Variants in LEMD3 observed in about 807,000 individuals in gnomAD.
The protein encoded by LEMD3 is LEM domain containing 3.
In LEMD3, 33 loss-of-function variants were observed where a neutral mutation model predicts 95.2. That is an observed-to-expected ratio of 0.35 (90% CI 0.26 to 0.46). The LOEUF is 0.46. LEMD3 is among the 20% of genes least tolerant of loss of function. The pLI, the probability that LEMD3 is intolerant of heterozygous loss-of-function variation, is 1.00. For synonymous variants in LEMD3, 525 were observed against 474.6 expected (o/e 1.11, Z -1.38); for missense variants, 1,210 against 1,192.8 (o/e 1.01, Z -0.21).
chr12:65,203,571 T>G (rs984695272), intron 1 of LEMD3, among the ~76,000 whole-genome samples: 16 of 152,302 alleles, frequency 1.1e-4, no homozygotes, highest in Non-Finnish European at 2.2e-4. Context: ...TGGTCTGTCT[T>G]GGTGAACATT....
At chr12:65,219,585 G>A (rs74101742) in intron 4 of LEMD3, among the ~76,000 whole-genome samples, 5,398 of 152,164 alleles carry the variant, frequency 0.035, 317 homozygotes, top group African/African-American at 0.12. Context: ...AATATATAAC[G>A]TGAAATCTGT....
chr12:65,235,823 A>G (rs1870756631), intron 4 of LEMD3, among the ~76,000 whole-genome samples: 1 of 152,122 alleles, frequency 6.6e-6, no homozygotes. Flanking sequence ...CATCATGATT[A>G]TTTCTAAGTT....
chr12:65,245,914 A>G lies in LEMD3; in HGVS notation c.2547A>G (p.Lys849=). The part of the protein sequence containing the change: ...LSPEYAGKAF[K]ALHGSWFDGK... Reference sequence around the variant, plus strand: ...CAGAATATGCTGGAAAGGCTTTTAAAGCATTGCATGGCTCTTGGTTTGATG... The same window carrying G: ...CAGAATATGCTGGAAAGGCTTTTAAGGCATTGCATGGCTCTTGGTTTGATG... Residue 849 remains lysine (K), a synonymous_variant, in exon 12 of 13, where the codon AAA becomes AAG. Coordinates refer to ENST00000308330, the MANE Select transcript of LEMD3 (RefSeq NM_014319.5). 1 of 1,612,544 alleles carries G rather than the reference A, an allele frequency of 6.2e-7. No homozygotes were observed. The highest frequency in any genetic ancestry group is 8.5e-7 in the Non-Finnish European group (1 of 1,179,004).
chr12:65,247,857 A>C lies in LEMD3; in HGVS notation c.*1532A>C. On this transcript the variant is annotated 3_prime_UTR_variant, in exon 13 of 13. Transcript: ENST00000308330. ...GTGGGCACCTTGTTTATGAAGAATA[A>C]AAAATGATTTGTTATCTGAAGAGAA... 1 of 152,572 alleles carries C rather than the reference A, an allele frequency of 6.6e-6. No individual in the cohort carries two copies. The highest frequency in any genetic ancestry group is 1.5e-5 in the Non-Finnish European group (1 of 68,016). The allele number at this position is 152,572 out of a possible 1,614,324, so 9.5% of individuals were successfully genotyped here.
At chr12:65,244,275 A>G (rs973993709) in intron 10 of LEMD3, among the ~76,000 whole-genome samples, 4 of 140,434 alleles carry the variant, frequency 2.8e-5, no homozygotes, top group Non-Finnish European at 6.1e-5. Flanking sequence ...GCGCACACAC[A>G]CACACACACA....
At chr12:65,239,461 T>C (rs1485732168) in intron 6 of LEMD3, among the ~76,000 whole-genome samples, 1 of 152,104 alleles carries the variant, frequency 6.6e-6, no homozygotes, top group Non-Finnish European at 1.5e-5. Context: ...GGTAGGAGGA[T>C]TTCTTGAGCC....
chr12:65,223,216 A>G (rs1384390820), intron 4 of LEMD3, among the ~76,000 whole-genome samples: 1 of 151,704 alleles, frequency 6.6e-6, no homozygotes, highest in Non-Finnish European at 1.5e-5. Flanking sequence ...GGATACATAC[A>G]TATTTAGAAT....
intron 4 of LEMD3, among the ~76,000 whole-genome samples, chr12:65,219,952 A>G (rs1217249463): frequency 6.6e-6 from 1 of 152,134 alleles, no homozygotes; most frequent in African/African-American, 2.4e-5. Flanking sequence ...AGTCATGTTG[A>G]TGGGCTTTTA....
chr12:65,234,234 A>G (rs996679316), intron 4 of LEMD3, among the ~76,000 whole-genome samples: 1 of 152,212 alleles, frequency 6.6e-6, no homozygotes, highest in Non-Finnish European at 1.5e-5. Context: ...GCTTTTAAAA[A>G]AGAAAGAAAG....
Position 65,171,099 on chromosome 12 carries a change from T to A in LEMD3, c.1503T>A (p.Ser501=), listed in dbSNP as rs774970317. The change falls in exon 1 of 13, where the codon TCT becomes TCA. Residue 501 remains serine, a synonymous_variant. Transcript: ENST00000308330. ...TYLGMRGTGV[S]EDGELSIENP... is the part of the protein sequence containing the mutation. Reference sequence around the variant, plus strand: ...TAGGAATGAGAGGGACAGGAGTATCTGAGGATGGAGAACTCAGCAGTAAGT... The same window carrying A: ...TAGGAATGAGAGGGACAGGAGTATCAGAGGATGGAGAACTCAGCAGTAAGT... 2.5e-6 allele frequency: 4 copies of A among 1,612,746 alleles called. No individual in the cohort carries two copies. In the East Asian group the frequency reaches 8.9e-5, roughly 36 times the overall value.
Position 65,169,856 on chromosome 12 carries a change from C to T in LEMD3, c.260C>T (p.Ala87Val). ...GCGGGACCAGCGGCGGCGGCGGCCG[C>T]GGGGATGGGGGTCCGGCCGGTCTCG... is the stretch of plus-strand genomic sequence containing the variant. ...AAAGPAAAAA[A>V]GMGVRPVSGD... The change falls in exon 1 of 13, where the codon GCG (alanine) becomes GTG (valine). Residue 87 changes from alanine to valine, a missense_variant. By Grantham distance (64) the Ala-to-Val change is moderately conservative. Around this residue, in one of 2 missense-constraint regions of LEMD3, gnomAD observed 749 missense variants for 622.9 expected, o/e 1.20. Coordinates refer to ENST00000308330, the MANE Select transcript of LEMD3 (RefSeq NM_014319.5). The T allele has an allele frequency of 6.8e-7, 1 of 1,460,844 alleles. No individual in the cohort carries two copies. The highest frequency in any genetic ancestry group is 1.4e-5 in the South Asian group (1 of 69,930). 90.5% of individuals were successfully genotyped at this position (1,460,844 alleles called of 1,614,324 possible).
intron 2 of LEMD3, among the ~76,000 whole-genome samples, chr12:65,215,114 AAAC>A (rs1398168261): frequency 1.3e-5 from 2 of 152,202 alleles, no homozygotes; most frequent in African/African-American, 4.8e-5. Flanking sequence ...AGTTAATACT[AAAC>A]AACTTTTCTA....
chr12:65,176,861 A>G (rs1868735791), intron 1 of LEMD3, among the ~76,000 whole-genome samples: 1 of 152,236 alleles, frequency 6.6e-6, no homozygotes, highest in Non-Finnish European at 1.5e-5. Context: ...TTCAGCAAAT[A>G]TCTGTTGAAT....
At chr12:65,216,139 T>A (rs946527104) in intron 3 of LEMD3, 96 bp downstream of exon 3, 1 of 814,668 alleles carries the variant, frequency 1.2e-6, no homozygotes, top group African/African-American at 1.7e-5. Context: ...CAGTGTTATA[T>A]TTGTGAAATA....
chr12:65,246,250 A>C lies in LEMD3; in HGVS notation c.2661A>C (p.Pro887=). ...TCACTTCCAACACTCCATTGAAGCC[A>C]TCAAATAAACATATGAACTCCATGT... ...QALTSNTPLK[P]SNKHMNSMSH... Residue 887 remains proline (P), a synonymous_variant, in exon 13 of 13, where the codon CCA becomes CCC. Transcript: ENST00000308330. 6.2e-7 allele frequency: 1 copy of C among 1,613,380 alleles called. No individual in the cohort carries two copies. The highest frequency in any genetic ancestry group is 2.2e-5 in the East Asian group (1 of 44,860).
At chr12:65,173,659 A>T (rs1592427252) in intron 1 of LEMD3, among the ~76,000 whole-genome samples, 1 of 152,232 alleles carries the variant, frequency 6.6e-6, no homozygotes, top group African/African-American at 2.4e-5. Flanking sequence ...AATTTGTTGT[A>T]TTCCTGGTAA....
At position 65,238,570 on chromosome 12, in the gene LEMD3, T is replaced by C. The variant is rs1400701947; in HGVS notation, c.1764T>C (p.Asp588=). 3 of 1,612,136 alleles carry C rather than the reference T, an allele frequency of 1.9e-6. No homozygotes were observed. The highest frequency in any genetic ancestry group is 2.5e-6 in the Non-Finnish European group (3 of 1,178,338). The change falls in exon 5 of 13, where the codon GAT becomes GAC. Residue 588 remains aspartate, a synonymous_variant. Transcript: ENST00000308330. ...AGTGGATCTTAGAAAATGGAAAAGA[T>C]GTTGGAATAAGGTAAAGGATCTGAT... The part of the protein sequence containing the change: ...SLQWILENGK[D]VGIRCVGFGP...
At chr12:65,192,289 C>T (rs1477617504) in intron 1 of LEMD3, among the ~76,000 whole-genome samples, 1 of 152,146 alleles carries the variant, frequency 6.6e-6, no homozygotes. Flanking sequence ...GTCCTAGCCA[C>T]CTTGACCATA....
intron 1 of LEMD3, among the ~76,000 whole-genome samples, chr12:65,207,402 A>G (rs766654871): frequency 2.0e-4 from 30 of 152,152 alleles, no homozygotes; most frequent in Middle Eastern, 3.4e-3. Flanking sequence ...TGAAATCATG[A>G]TAAAAGGTAG....
Sources: allele counts gnomAD v4.1 joint callset (sites outside exome capture counted in the v4.1 genomes callset), GRCh38; gene constraint gnomAD v4.1.1; regional missense constraint gnomAD v4.1.1; transcripts MANE v1.5; gene names NCBI Gene and HGNC (gene_info 2026-07-23, HGNC 2026-07-21).